Variants in PTPRO observed in about 807,000 individuals in gnomAD.
PTPRO encodes receptor-type tyrosine-protein phosphatase O.
In PTPRO, 62 loss-of-function variants were observed where a neutral mutation model predicts 145.2. The observed-to-expected ratio is 0.43, with a 90% CI of 0.35 to 0.53. The LOEUF is 0.53. Ranked by LOEUF, PTPRO falls within the 20% of genes least tolerant of loss-of-function variation. The pLI is 0.01. For missense variants in PTPRO, 1,345 were observed against 1,482.7 expected (o/e 0.91, Z 1.53); for synonymous variants, 565 against 514.7 (o/e 1.10, Z -1.32).
At chr12:15,567,905 T>A (rs576509116) in intron 18 of PTPRO, among the ~76,000 whole-genome samples, 1 of 152,288 alleles carries the variant, frequency 6.6e-6, no homozygotes, top group East Asian at 1.9e-4. Context: ...TATTCCTACC[T>A]CAGGGATCAA....
At chr12:15,436,306 GA>G (rs1181907948) in intron 1 of PTPRO, among the ~76,000 whole-genome samples, 1 of 151,968 alleles carries the variant, frequency 6.6e-6, no homozygotes, top group African/African-American at 2.4e-5. Context: ...TAGAGACACA[GA>G]AAAACCTCCA....
rs530715303 is a variant in PTPRO, at chr12:15,416,132, A to T, written c.76-67842A>T. ...CTGCACCTAGGAGAGTGTCTAGCTC[A>T]TATTCATTAAATAAATTTTGTTGAG... On this transcript the variant is annotated intron_variant, in intron 1 of 26. Coordinates refer to ENST00000281171, the MANE Select transcript of PTPRO (RefSeq NM_030667.3). Among the ~76,000 whole-genome samples, 14 of 151,644 alleles carry T rather than the reference A, an allele frequency of 9.2e-5. 1 individual carries two copies. The highest frequency in any genetic ancestry group is 1.5e-4 in the Non-Finnish European group (10 of 68,026).
intron 19 of PTPRO, among the ~76,000 whole-genome samples, chr12:15,577,159 A>G (rs1459105216): frequency 6.6e-6 from 1 of 152,236 alleles, no homozygotes; most frequent in East Asian, 1.9e-4. Flanking sequence ...TGAGTTGAAA[A>G]TCAAATGTAA....
chr12:15,379,375 A>G (rs1443176087), intron 1 of PTPRO, among the ~76,000 whole-genome samples: 1 of 151,238 alleles, frequency 6.6e-6, no homozygotes, highest in Non-Finnish European at 1.5e-5. Flanking sequence ...CAAAAAAAAA[A>G]AAAAAATTAC....
intron 1 of PTPRO, among the ~76,000 whole-genome samples, chr12:15,361,828 T>A (rs547787707): frequency 1.3e-5 from 2 of 152,356 alleles, no homozygotes; most frequent in East Asian, 3.9e-4. Flanking sequence ...CAAACTATTG[T>A]GTACAAGAAC....
intron 2 of PTPRO, among the ~76,000 whole-genome samples, chr12:15,488,922 A>G (rs1003475239): frequency 6.6e-6 from 1 of 152,182 alleles, no homozygotes; most frequent in Non-Finnish European, 1.5e-5. Context: ...TTCCTTGGAA[A>G]TTGAGGAAAT....
chr12:15,502,897 T>C (rs1942250073), intron 5 of PTPRO, among the ~76,000 whole-genome samples: 1 of 152,164 alleles, frequency 6.6e-6, no homozygotes, highest in African/African-American at 2.4e-5. Flanking sequence ...GTTACAGTGA[T>C]AGCCTTATTT....
At chr12:15,354,646 G>A (rs562377877) in intron 1 of PTPRO, among the ~76,000 whole-genome samples, 12 of 152,150 alleles carry the variant, frequency 7.9e-5, no homozygotes, top group African/African-American at 2.9e-4. Flanking sequence ...TCTACTTTAA[G>A]GTGTGCATTT....
At chr12:15,468,946 T>C (rs1280120518) in intron 1 of PTPRO, among the ~76,000 whole-genome samples, 1 of 152,230 alleles carries the variant, frequency 6.6e-6, no homozygotes, top group Non-Finnish European at 1.5e-5. Context: ...TCTGACAATT[T>C]TGTTGTTGCT....
At chr12:15,474,766 C>G (rs767659584) in intron 1 of PTPRO, among the ~76,000 whole-genome samples, 2 of 152,176 alleles carry the variant, frequency 1.3e-5, no homozygotes, top group Non-Finnish European at 2.9e-5. Context: ...CTGTTCCTTC[C>G]TGCTCTACTT....
At chr12:15,497,498 T>C (rs1251400266) in intron 3 of PTPRO, 95 bp downstream of exon 3, 2 of 1,325,422 alleles carry the variant, frequency 1.5e-6, no homozygotes, top group Non-Finnish European at 2.2e-6. Context: ...AGAGGTTTTA[T>C]AATTCACTAT....
intron 1 of PTPRO, among the ~76,000 whole-genome samples, chr12:15,383,103 A>G (rs1249054438): frequency 1.3e-5 from 2 of 152,128 alleles, no homozygotes; most frequent in Non-Finnish European, 2.9e-5. Flanking sequence ...TTTGACCAAC[A>G]TCTCCCCTTT....
At chr12:15,571,049 C>G (rs548455491) in intron 19 of PTPRO, among the ~76,000 whole-genome samples, 1 of 152,282 alleles carries the variant, frequency 6.6e-6, no homozygotes, top group African/African-American at 2.4e-5. Context: ...TCAAAGGATA[C>G]TAAGGTATCT....
Position 15,433,447 on chromosome 12 carries a change from T to C in PTPRO, c.76-50527T>C, listed in dbSNP as rs144498084. Among the ~76,000 whole-genome samples the C allele has an allele frequency of 4.1e-4, 62 of 152,350 alleles. 1 individual carries two copies. In the East Asian group the frequency reaches 0.011, roughly 28 times the overall value. ...ATCCGCCCGCCTTGGCCTCCCAAAGTGCTGGGATTACAGGCGACAGCCACC... is the reference window on the plus strand; with the variant it reads ...ATCCGCCCGCCTTGGCCTCCCAAAGCGCTGGGATTACAGGCGACAGCCACC... On this transcript the variant is annotated intron_variant, in intron 1 of 26. Transcript: ENST00000281171.
intron 12 of PTPRO, among the ~76,000 whole-genome samples, chr12:15,531,215 T>C (rs1179966858): frequency 6.6e-6 from 1 of 152,082 alleles, no homozygotes; most frequent in Non-Finnish European, 1.5e-5. Context: ...AAAGTCATAA[T>C]AAAGTCTCCT....
intron 13 of PTPRO, among the ~76,000 whole-genome samples, chr12:15,547,521 ATGC>A (rs1284691399): frequency 1.1e-4 from 17 of 152,234 alleles, no homozygotes; most frequent in African/African-American, 3.9e-4. Context: ...GAAAAAAGGA[ATGC>A]TGGGAGTGCA....
At chr12:15,439,920 A>G in intron 1 of PTPRO, 2 of 670,482 alleles carry the variant, frequency 3.0e-6, no homozygotes, top group Non-Finnish European at 5.4e-6. Flanking sequence ...ATTGGGGACT[A>G]CAATGGCCAC....
At chr12:15,477,786 A>C (rs1941689588) in intron 1 of PTPRO, among the ~76,000 whole-genome samples, 1 of 152,168 alleles carries the variant, frequency 6.6e-6, no homozygotes, top group Non-Finnish European at 1.5e-5. Flanking sequence ...CATCATAAGC[A>C]CACATTGTGC....
intron 1 of PTPRO, among the ~76,000 whole-genome samples, chr12:15,430,861 A>G (rs1940416958): frequency 6.6e-6 from 1 of 152,168 alleles, no homozygotes; most frequent in Non-Finnish European, 1.5e-5. Flanking sequence ...TTAAAAGTAA[A>G]TGAATGAATG....
Sources: allele counts gnomAD v4.1 joint callset (sites outside exome capture counted in the v4.1 genomes callset), GRCh38; gene constraint gnomAD v4.1.1; transcripts MANE v1.5; gene names NCBI Gene and HGNC (gene_info 2026-07-23, HGNC 2026-07-21).